Variants in BRF1 observed in about 807,000 individuals in gnomAD.
BRF1 encodes the protein transcription factor IIIB 90 kDa subunit.
A neutral mutation model predicts 81.7 loss-of-function variants in BRF1; 59 were observed. The observed-to-expected ratio is 0.72, with a 90% CI of 0.59 to 0.90. The LOEUF (loss-of-function observed/expected upper bound fraction) is 0.90. BRF1 is among the 40% of genes least tolerant of loss of function. The pLI is 0.00. For synonymous variants in BRF1, 491 were observed against 395.6 expected (o/e 1.24, Z -2.86); for missense variants, 1,050 against 936.3 (o/e 1.12, Z -1.58).
At chr14:105,252,204 C>T (rs587611641) in intron 5 of BRF1, among the ~76,000 whole-genome samples, 39 of 152,304 alleles carry the variant, frequency 2.6e-4, no homozygotes, top group Non-Finnish European at 4.4e-4. Context: ...AGGCCAGGTG[C>T]GGTCTCATGC....
At chr14:105,248,631 C>T (rs1231478633) in intron 5 of BRF1, 4 of 978,892 alleles carry the variant, frequency 4.1e-6, no homozygotes, top group Non-Finnish European at 4.8e-6. Flanking sequence ...CTGCGCTAGG[C>T]TGGGCTCGGG....
chr14:105,247,819 C>T, intron 5 of BRF1: 1 of 985,642 alleles, frequency 1.0e-6, no homozygotes, highest in Non-Finnish European at 1.2e-6. Context: ...AGCTGTGCGG[C>T]CCAGGCCAGG....
chr14:105,250,648 C>T (rs930134700), intron 5 of BRF1: 2 of 1,610,206 alleles, frequency 1.2e-6, no homozygotes, highest in African/African-American at 1.3e-5. Context: ...GTGGGCAGAT[C>T]CCTGAGCTCA....
At chr14:105,273,163 C>T in intron 2 of BRF1, among the ~76,000 whole-genome samples, 1 of 152,274 alleles carries the variant, frequency 6.6e-6, no homozygotes, top group East Asian at 1.9e-4. Context: ...CTGAATGTGC[C>T]TCTCTCCAGG....
At chr14:105,292,198 G>A (rs1296955471) in intron 1 of BRF1, among the ~76,000 whole-genome samples, 2 of 151,748 alleles carry the variant, frequency 1.3e-5, no homozygotes, top group African/African-American at 4.8e-5. Context: ...TTTTTTTGAA[G>A]ACAAGACAGA....
intron 16 of BRF1, chr14:105,211,834 G>A: frequency 1.9e-6 from 1 of 526,066 alleles, no homozygotes; most frequent in Non-Finnish European, 3.5e-6. Flanking sequence ...CAGGCTCCCT[G>A]CAGGCACCAG....
At chr14:105,306,265 T>G (rs587720663) in intron 1 of BRF1, among the ~76,000 whole-genome samples, 35 of 152,162 alleles carry the variant, frequency 2.3e-4, no homozygotes, top group African/African-American at 8.4e-4. Flanking sequence ...CTTTCTTCAT[T>G]CATGGTGTCT....
chr14:105,247,410 G>A (rs970564884), intron 5 of BRF1: 3 of 985,316 alleles, frequency 3.0e-6, no homozygotes, highest in African/African-American at 3.5e-5. Flanking sequence ...TGCACTCTGG[G>A]CCATTGCATG....
At chr14:105,278,879 C>A (rs989806049) in intron 2 of BRF1, among the ~76,000 whole-genome samples, 3 of 152,074 alleles carry the variant, frequency 2.0e-5, no homozygotes, top group Non-Finnish European at 4.4e-5. Flanking sequence ...CCCGTCTCTA[C>A]TAAAAAGTAC....
At chr14:105,220,852 C>T (rs1274228813) in intron 11 of BRF1, among the ~76,000 whole-genome samples, 2 of 152,234 alleles carry the variant, frequency 1.3e-5, no homozygotes, top group African/African-American at 2.4e-5. Flanking sequence ...ACAGGCAGCC[C>T]TTCCTCAGCT....
chr14:105,242,790 A>G (rs1423644562), intron 5 of BRF1, among the ~76,000 whole-genome samples: 1 of 151,554 alleles, frequency 6.6e-6, no homozygotes, highest in Non-Finnish European at 1.5e-5. Context: ...TGGGCAATAC[A>G]GAGACGAAGT....
intron 2 of BRF1, among the ~76,000 whole-genome samples, chr14:105,283,281 G>A (rs1365199084): frequency 6.6e-6 from 1 of 152,178 alleles, no homozygotes; most frequent in Non-Finnish European, 1.5e-5. Flanking sequence ...ACCCAGGCAG[G>A]AGCGGTGCCT....
intron 5 of BRF1, chr14:105,249,130 C>T (rs1322963753): frequency 1.3e-6 from 2 of 1,545,588 alleles, no homozygotes; most frequent in South Asian, 1.2e-5. Flanking sequence ...GCGCCCACGC[C>T]CCCAGCCCGT....
intron 4 of BRF1, among the ~76,000 whole-genome samples, chr14:105,254,095 C>T (rs1020939279): frequency 6.6e-6 from 1 of 152,128 alleles, no homozygotes; most frequent in African/African-American, 2.4e-5. Context: ...TGCTGCTGGC[C>T]TCTGCCTGCC....
At chr14:105,242,775 T>C (rs1294848737) in intron 5 of BRF1, among the ~76,000 whole-genome samples, 1 of 142,982 alleles carries the variant, frequency 7.0e-6, no homozygotes, top group Non-Finnish European at 1.5e-5. Flanking sequence ...GATACGCTTA[T>C]AGACTGGGCA....
chr14:105,217,577 C>G lies in BRF1; in HGVS notation c.1739G>C (p.Ser580Thr), dbSNP rs754400436. 2 of 1,613,442 alleles carry G rather than the reference C, an allele frequency of 1.2e-6. No individual in the cohort carries two copies. Among genetic ancestry groups the G allele is most frequent in the Non-Finnish European group, 1.7e-6 (2 of 1,179,994 alleles). The change falls in exon 15 of 18, where the codon AGT becomes ACT. Residue 580 changes from serine (S) to threonine (T), a missense_variant. Physicochemically the swap from Ser to Thr is moderately conservative, Grantham distance 58 (BLOSUM62 1). Around this residue, in one of 2 missense-constraint regions of BRF1, gnomAD observed 1,043 missense variants for 915.4 expected, o/e 1.14. Transcript: ENST00000547530. ...CACACTGGTCACAGGGTCAGCCCCA[C>G]TTCTGCTGGCCGGCGTCCTCCTTCG... ...LSRRRTPASR[S>T]GADPVTSVGK...
intron 1 of BRF1, among the ~76,000 whole-genome samples, chr14:105,294,197 A>G (rs1448629533): frequency 6.6e-6 from 1 of 152,168 alleles, no homozygotes; most frequent in African/African-American, 2.4e-5. Context: ...GCCGGTCCCC[A>G]GGGGCTAAGA....
chr14:105,245,002 G>A (rs979656845), intron 5 of BRF1, among the ~76,000 whole-genome samples: 3 of 151,342 alleles, frequency 2.0e-5, no homozygotes, highest in Non-Finnish European at 4.4e-5. Context: ...ACCTCCAAAC[G>A]CTGTTAGAAA....
intron 16 of BRF1, 70 bp from the exon 17 acceptor site, chr14:105,211,363 C>T (rs1014582615): frequency 3.6e-6 from 5 of 1,383,602 alleles, no homozygotes; most frequent in Admixed American, 5.4e-5. Flanking sequence ...CCCCTCAGAC[C>T]CACCAGGGCT....
Sources: allele counts gnomAD v4.1 joint callset (sites outside exome capture counted in the v4.1 genomes callset), GRCh38; gene constraint gnomAD v4.1.1; regional missense constraint gnomAD v4.1.1; transcripts MANE v1.5; gene names NCBI Gene and HGNC (gene_info 2026-07-23, HGNC 2026-07-21).